Variants in KLHDC8A observed in about 807,000 individuals in gnomAD.
The protein encoded by KLHDC8A is kelch domain containing 8A.
KLHDC8A carries 21 observed loss-of-function variants against 33.1 expected under a neutral mutation model. That is an observed-to-expected ratio of 0.64 (90% CI 0.45 to 0.91). The LOEUF (loss-of-function observed/expected upper bound fraction) is 0.91. Ranked by LOEUF, KLHDC8A falls within the 40% of genes least tolerant of loss-of-function variation. The pLI is 0.00. For missense variants in KLHDC8A, 435 were observed against 483.3 expected, an observed-to-expected ratio of 0.90 and a Z score of 0.94; for synonymous variants, 173 against 193.5, an observed-to-expected ratio of 0.89 and a Z score of 0.88.
At chr1:205,354,507 T>C (rs940628815) in intron 1 of KLHDC8A, among the ~76,000 whole-genome samples, 5 of 152,164 alleles carry the variant, frequency 3.3e-5, no homozygotes, top group African/African-American at 1.2e-4. Flanking sequence ...AAGACCTATA[T>C]GGGAGATGTC....
At chr1:205,340,323 C>G (rs2102281032) in intron 2 of KLHDC8A, among the ~76,000 whole-genome samples, 1 of 152,172 alleles carries the variant, frequency 6.6e-6, no homozygotes, top group South Asian at 2.1e-4. Flanking sequence ...CTGCCTGGGT[C>G]TTTTGAAGCC....
intron 1 of KLHDC8A, among the ~76,000 whole-genome samples, chr1:205,352,513 A>T (rs1663142857): frequency 6.6e-6 from 1 of 152,164 alleles, no homozygotes; most frequent in Non-Finnish European, 1.5e-5. Context: ...CCCTAGGGAG[A>T]CGGCAATCTG....
chr1:205,347,500 C>CAT (rs1337821495), intron 1 of KLHDC8A, among the ~76,000 whole-genome samples: 1 of 152,168 alleles, frequency 6.6e-6, no homozygotes, highest in African/African-American at 2.4e-5. Flanking sequence ...CAGGTGATTA[C>CAT]ATGAGTCCAG....
chr1:205,344,637 G>C (rs1280895571), intron 1 of KLHDC8A, among the ~76,000 whole-genome samples: 3 of 152,198 alleles, frequency 2.0e-5, no homozygotes, highest in Admixed American at 1.3e-4. Context: ...TCAATAGCCA[G>C]CTTTGCTGGG....
intron 5 of KLHDC8A, 47 bp downstream of exon 5, chr1:205,338,448 G>A: frequency 2.8e-6 from 4 of 1,446,662 alleles, no homozygotes; most frequent in Non-Finnish European, 2.9e-6. Flanking sequence ...AGGATCCACT[G>A]AGCACCAGAA....
chr1:205,351,291 G>A, intron 1 of KLHDC8A: 1 of 865,954 alleles, frequency 1.2e-6, no homozygotes, highest in Non-Finnish European at 2.0e-6. Flanking sequence ...TTATGGACAA[G>A]AAGTTATCAT....
At chr1:205,340,287 T>C (rs1558684743) in intron 2 of KLHDC8A, among the ~76,000 whole-genome samples, 1 of 151,998 alleles carries the variant, frequency 6.6e-6, no homozygotes, top group Admixed American at 6.6e-5. Flanking sequence ...AGTGCTGGGA[T>C]TGCAGGTGTG....
chr1:205,355,994 C>T (rs1292363660), intron 1 of KLHDC8A, among the ~76,000 whole-genome samples: 1 of 152,124 alleles, frequency 6.6e-6, no homozygotes, highest in African/African-American at 2.4e-5. Flanking sequence ...GGGTGTATTT[C>T]GTGTTGCTGT....
intron 1 of KLHDC8A, chr1:205,351,474 A>G (rs1290443045): frequency 2.6e-6 from 2 of 780,560 alleles, no homozygotes; most frequent in Non-Finnish European, 4.8e-6. Flanking sequence ...TGGAATGAGT[A>G]TAAATAATGG....
intron 1 of KLHDC8A, among the ~76,000 whole-genome samples, chr1:205,354,452 C>T (rs1030153374): frequency 3.3e-5 from 5 of 152,270 alleles, no homozygotes; most frequent in South Asian, 4.1e-4. Flanking sequence ...TATTGCAAAG[C>T]GCTTACAATC....
intron 1 of KLHDC8A, among the ~76,000 whole-genome samples, chr1:205,344,626 C>T (rs575684251): frequency 6.6e-6 from 1 of 152,312 alleles, no homozygotes; most frequent in South Asian, 2.1e-4. Flanking sequence ...GACCTGCTAA[C>T]TCAATAGCCA....
rs200376413 is a variant in KLHDC8A, at chr1:205,337,363, T to C, written c.*36A>G. On this transcript the variant is annotated 3_prime_UTR_variant, in exon 6 of 6. Coordinates refer to ENST00000367155, the MANE Select transcript of KLHDC8A (RefSeq NM_018203.3). Reference sequence around the variant, plus strand: ...ATTCCTCATGTTAAGAGTGAAGTGATATGGTCCAGGGCAAAGGTACTGAGC... The same window carrying C: ...ATTCCTCATGTTAAGAGTGAAGTGACATGGTCCAGGGCAAAGGTACTGAGC... 69 of 1,521,074 alleles carry C rather than the reference T, an allele frequency of 4.5e-5. No homozygotes were observed. The African/African-American group carries it at 7.9e-4, about 17-fold the overall frequency. The allele number at this position is 1,521,074 out of a possible 1,614,324, so 94.2% of individuals were successfully genotyped here. A position where few individuals can be genotyped will look rare whatever the true frequency, so the allele number is the denominator to read the frequency against.
In KLHDC8A at chr1:205,338,480, A is replaced by C. The variant is rs1362804337; in HGVS notation, c.859+15T>G. The C allele has an allele frequency of 5.6e-6, 9 of 1,597,834 alleles. No homozygotes were observed. The highest frequency in any genetic ancestry group is 7.7e-6 in the Non-Finnish European group (9 of 1,165,364). ...AGAACCACAATAAATTCCAGCGTGAAAGCGCCATCCTTACCAAGTCCCCCA... is the reference window on the plus strand; with the variant it reads ...AGAACCACAATAAATTCCAGCGTGACAGCGCCATCCTTACCAAGTCCCCCA... On this transcript the variant is annotated intron_variant, in intron 5 of 5. Transcript: ENST00000367155.
At chr1:205,353,335 C>T (rs1574916952) in intron 1 of KLHDC8A, among the ~76,000 whole-genome samples, 1 of 152,182 alleles carries the variant, frequency 6.6e-6, no homozygotes, top group Admixed American at 6.5e-5. Flanking sequence ...TGGAACACAG[C>T]CACACTCACT....
At chr1:205,342,974 G>A (rs1043740466) in intron 2 of KLHDC8A, among the ~76,000 whole-genome samples, 9 of 152,148 alleles carry the variant, frequency 5.9e-5, no homozygotes, top group Non-Finnish European at 1.0e-4. Context: ...GCCTGGTGAC[G>A]CTACAAGGAT....
chr1:205,350,836 T>C (rs537838023), intron 1 of KLHDC8A, among the ~76,000 whole-genome samples: 2 of 152,006 alleles, frequency 1.3e-5, no homozygotes, highest in African/African-American at 4.8e-5. Context: ...TGCATGTGTG[T>C]GCGCGCACGC....
intron 1 of KLHDC8A, among the ~76,000 whole-genome samples, chr1:205,350,811 ATGTG>A (rs1558689808): frequency 1.3e-5 from 2 of 150,858 alleles, no homozygotes; most frequent in Non-Finnish European, 3.0e-5. Flanking sequence ...CTGTGTGTGC[ATGTG>A]TGTGTGTGCA....
intron 2 of KLHDC8A, among the ~76,000 whole-genome samples, chr1:205,342,317 C>A (rs1662813732): frequency 1.3e-5 from 2 of 152,196 alleles, no homozygotes; most frequent in Middle Eastern, 3.4e-3. Flanking sequence ...CGTGGGCCTC[C>A]AGGCCTTCCA....
rs146485421 is a variant in KLHDC8A, at chr1:205,353,513, T to A, written c.-190+3020A>T. Among the ~76,000 whole-genome samples the A allele has an allele frequency of 2.3e-3, 343 of 152,312 alleles. 2 individuals are homozygous for A. Among genetic ancestry groups the A allele is most frequent in the African/African-American group, 7.6e-3 (317 of 41,574 alleles). On this transcript the variant is annotated intron_variant, in intron 1 of 5. Coordinates refer to ENST00000367155, the MANE Select transcript of KLHDC8A (RefSeq NM_018203.3). ...GGCTGTTTTAAGGGAACAAGGGGAA[T>A]GCCACCTTATTCTTTTTATTTTTTG...
Sources: allele counts gnomAD v4.1 joint callset (sites outside exome capture counted in the v4.1 genomes callset), GRCh38; gene constraint gnomAD v4.1.1; transcripts MANE v1.5; gene names NCBI Gene and HGNC (gene_info 2026-07-23, HGNC 2026-07-21).